Variants in ENOX1 observed in about 807,000 individuals in gnomAD.
ENOX1 encodes the protein candidate growth-related and time keeping constitutive hydroquinone (NADH) oxidase.
ENOX1 carries 42 observed loss-of-function variants against 82.5 expected under a neutral mutation model. That is an observed-to-expected ratio of 0.51 (90% CI 0.40 to 0.66). ENOX1 has a LOEUF of 0.66. Among genes scored for constraint, ENOX1 ranks in the 30% least tolerant of loss-of-function variants. The probability of loss-of-function intolerance (pLI) is 0.00; values close to 1 mark genes in which losing one functional copy is unlikely to be tolerated. For synonymous variants in ENOX1, 271 were observed against 282.2 expected (o/e 0.96, Z 0.40); for missense variants, 608 against 811.6 (o/e 0.75, Z 3.05).
chr13:43,431,164 AACAG>A (rs1427106164), intron 3 of ENOX1, among the ~76,000 whole-genome samples: 4 of 152,244 alleles, frequency 2.6e-5, no homozygotes, highest in African/African-American at 9.6e-5. Context: ...GCTTCGCAGA[AACAG>A]ACACAGTTTC....
At chr13:43,589,241 C>CAAAAAAAAAAAAAA (rs2081133234) in intron 2 of ENOX1, among the ~76,000 whole-genome samples, 1 of 78,748 alleles carries the variant, frequency 1.3e-5, no homozygotes, top group Non-Finnish European at 2.7e-5. Flanking sequence ...AAAAAAAAAG[C>CAAAAAAAAAAAAAA]AAAGGGTCTG....
chr13:43,270,709 T>G (rs1016696998), intron 12 of ENOX1, among the ~76,000 whole-genome samples: 1 of 152,214 alleles, frequency 6.6e-6, no homozygotes, highest in South Asian at 2.1e-4. Flanking sequence ...ACTTGCTTGT[T>G]CTGCTAACTA....
intron 1 of ENOX1, among the ~76,000 whole-genome samples, chr13:43,776,996 C>G (rs1298139715): frequency 6.6e-6 from 1 of 152,160 alleles, no homozygotes; most frequent in Non-Finnish European, 1.5e-5. Flanking sequence ...GTACCCAACA[C>G]CAGAGAGGAG....
In ENOX1 at chr13:43,484,099, C is replaced by G; in HGVS notation, c.-165G>C. The G allele has an allele frequency of 1.0e-6, 1 of 985,462 alleles. No individual in the cohort carries two copies. Among genetic ancestry groups the G allele is most frequent in the Non-Finnish European group, 1.2e-6 (1 of 829,908 alleles). The allele number at this position is 985,462 out of a possible 1,614,324, so 61.0% of individuals were successfully genotyped here. A position where few individuals can be genotyped will look rare whatever the true frequency, so the allele number is the denominator to read the frequency against. On this transcript the variant is annotated 5_prime_UTR_variant, in exon 3 of 17. Transcript: ENST00000690772. ...CATAAAAGTCTTTTAAATGGATGCT[C>G]TTCACAAAGGAAGTCTCATGGAAGA...
At chr13:43,754,869 T>C (rs1167434037) in intron 1 of ENOX1, among the ~76,000 whole-genome samples, 1 of 152,164 alleles carries the variant, frequency 6.6e-6, no homozygotes, top group Non-Finnish European at 1.5e-5. Flanking sequence ...GAGTGACTGG[T>C]CTTAGACTCC....
At chr13:43,658,605 C>A (rs1269343672) in intron 2 of ENOX1, among the ~76,000 whole-genome samples, 2 of 152,172 alleles carry the variant, frequency 1.3e-5, no homozygotes, top group African/African-American at 4.8e-5. Flanking sequence ...TCCCCAAAGC[C>A]TCCCCAAGAT....
chr13:43,700,938 T>C (rs1274919257), intron 1 of ENOX1, among the ~76,000 whole-genome samples: 1 of 152,198 alleles, frequency 6.6e-6, no homozygotes, highest in East Asian at 1.9e-4. Context: ...AATACACTTT[T>C]TCACACATGG....
intron 11 of ENOX1, among the ~76,000 whole-genome samples, chr13:43,310,628 T>C (rs2047148510): frequency 6.6e-6 from 1 of 152,140 alleles, no homozygotes; most frequent in African/African-American, 2.4e-5. Flanking sequence ...AAGTGTTACG[T>C]AGAAGGGTCA....
At chr13:43,596,252 A>G (rs1482645920) in intron 2 of ENOX1, among the ~76,000 whole-genome samples, 2 of 152,264 alleles carry the variant, frequency 1.3e-5, no homozygotes, top group African/African-American at 4.8e-5. Context: ...TTTCACTACC[A>G]TGACAACTGA....
At chr13:43,232,093 CTTTTTTT>C (rs33932346) in intron 15 of ENOX1, among the ~76,000 whole-genome samples, 6 of 109,550 alleles carry the variant, frequency 5.5e-5, no homozygotes, top group African/African-American at 1.4e-4. Context: ...GCCCAGCTAA[CTTTTTTT>C]TTTTTTTTTT....
chr13:43,230,714 C>G (rs1364076077), intron 15 of ENOX1, among the ~76,000 whole-genome samples: 2 of 152,108 alleles, frequency 1.3e-5, no homozygotes, highest in African/African-American at 4.8e-5. Flanking sequence ...GGACCACTCC[C>G]CCTCCCCCAC....
chr13:43,710,544 T>G (rs2087620969), intron 1 of ENOX1, among the ~76,000 whole-genome samples: 1 of 152,164 alleles, frequency 6.6e-6, no homozygotes, highest in Non-Finnish European at 1.5e-5. Flanking sequence ...CTGCTATCAC[T>G]ACTTCAGGCC....
intron 12 of ENOX1, among the ~76,000 whole-genome samples, chr13:43,286,004 C>T (rs1362370416): frequency 6.6e-6 from 1 of 152,066 alleles, no homozygotes; most frequent in Non-Finnish European, 1.5e-5. Flanking sequence ...GAGGAAAGCC[C>T]TGGAGCATGA....
At chr13:43,683,646 T>G (rs299353) in intron 1 of ENOX1, among the ~76,000 whole-genome samples, 110,108 of 151,888 alleles carry the variant, frequency 0.72, 43,089 homozygotes, top group South Asian at 0.89. Context: ...CTCTTTAATA[T>G]GGTATGAAAG....
chr13:43,652,482 C>A (rs907033593), intron 2 of ENOX1, among the ~76,000 whole-genome samples: 1 of 152,152 alleles, frequency 6.6e-6, no homozygotes, highest in Non-Finnish European at 1.5e-5. Flanking sequence ...GGCCCTTGCT[C>A]TGGACCACTT....
chr13:43,462,503 AT>A, intron 3 of ENOX1, among the ~76,000 whole-genome samples: 1 of 152,362 alleles, frequency 6.6e-6, no homozygotes, highest in Non-Finnish European at 1.5e-5. Context: ...TGGCAAAAAA[AT>A]CTCTTCTGTA....
At chr13:43,247,741 T>C (rs1041679665) in intron 14 of ENOX1, among the ~76,000 whole-genome samples, 1 of 144,732 alleles carries the variant, frequency 6.9e-6, no homozygotes, top group Admixed American at 7.0e-5. Context: ...GACATCTGTT[T>C]GAATTTTATG....
At chr13:43,281,707 A>G (rs2045394507) in intron 12 of ENOX1, among the ~76,000 whole-genome samples, 1 of 152,206 alleles carries the variant, frequency 6.6e-6, no homozygotes, top group African/African-American at 2.4e-5. Context: ...ATGGCACAAA[A>G]AAGATGATCA....
chr13:43,479,339 T>C (rs2058419743), intron 3 of ENOX1, among the ~76,000 whole-genome samples: 1 of 152,088 alleles, frequency 6.6e-6, no homozygotes, highest in Admixed American at 6.6e-5. Context: ...AAACAACTAC[T>C]ACTTTATTAC....
Sources: allele counts gnomAD v4.1 joint callset (sites outside exome capture counted in the v4.1 genomes callset), GRCh38; gene constraint gnomAD v4.1.1; transcripts MANE v1.5; gene names NCBI Gene and HGNC (gene_info 2026-07-23, HGNC 2026-07-21).